Variants in NAALADL2 observed in about 807,000 individuals in gnomAD.
NAALADL2 encodes inactive N-acetylated-alpha-linked acidic dipeptidase-like protein 2.
NAALADL2 carries 76 observed loss-of-function variants against 87.2 expected under a neutral mutation model. The ratio of observed to expected loss-of-function variants is 0.87; its 90% CI spans 0.72 to 1.05. The LOEUF is 1.05. Among genes scored for constraint, NAALADL2 ranks in the 50% least tolerant of loss-of-function variants. The pLI, the probability that NAALADL2 is intolerant of heterozygous loss-of-function variation, is 0.00. For missense variants in NAALADL2, 1,089 were observed against 945.8 expected, an observed-to-expected ratio of 1.15 and a Z score of -1.99; for synonymous variants, 354 against 331.0, an observed-to-expected ratio of 1.07 and a Z score of -0.75.
At chr3:175,056,591 G>A (rs1712234559) in intron 1 of NAALADL2, among the ~76,000 whole-genome samples, 3 of 152,126 alleles carry the variant, frequency 2.0e-5, no homozygotes, top group Admixed American at 6.5e-5. Flanking sequence ...ATAGAGGTGT[G>A]GAGTGGGAAA....
chr3:174,882,758 T>TGCAC (rs1177848883), intron 1 of NAALADL2, among the ~76,000 whole-genome samples: 12 of 139,924 alleles, frequency 8.6e-5, no homozygotes, highest in Non-Finnish European at 1.9e-4. Context: ...CACACGTGTA[T>TGCAC]ATATACACAC....
chr3:174,602,567 A>AATATAATTTGAAAATTATATTTCT (rs1718565489), intron 2 of NAALADL2, among the ~76,000 whole-genome samples: 1 of 150,868 alleles, frequency 6.6e-6, no homozygotes, highest in Non-Finnish European at 1.5e-5. Flanking sequence ...ATTATATTTC[A>AATATAATTTGAAAATTATATTTCT]AATATAATTT....
chr3:175,052,648 A>G lies in NAALADL2; in HGVS notation c.44-44142A>G, dbSNP rs376205978. Among the ~76,000 whole-genome samples the G allele has an allele frequency of 6.9e-3, 1,046 of 152,204 alleles. 16 individuals carry two copies. Among genetic ancestry groups the G allele is most frequent in the African/African-American group, 0.022 (903 of 41,564 alleles). On this transcript the variant is annotated intron_variant, in intron 1 of 13. Transcript: ENST00000454872. ...AGTTCCTGGCATTAAGGTCAGGTGT[A>G]CCTGGGATGTTTTAAATATTTGTTC...
At chr3:175,591,445 AT>A (rs369552874) in intron 10 of NAALADL2, among the ~76,000 whole-genome samples, 16,995 of 150,148 alleles carry the variant, frequency 0.11, 1,227 homozygotes, top group Non-Finnish European at 0.17. Flanking sequence ...ACAGAAAATA[AT>A]TTTTTTTTTA....
intron 1 of NAALADL2, among the ~76,000 whole-genome samples, chr3:174,509,764 T>G (rs1166840305): frequency 6.6e-6 from 1 of 151,492 alleles, no homozygotes; most frequent in African/African-American, 2.4e-5. Context: ...TCCTATCAGA[T>G]CAGGGCTCCA....
In NAALADL2 at chr3:174,769,967, A is replaced by G. The variant is rs544440819; in HGVS notation, c.-9+32221A>G. 1.6e-4 allele frequency among the ~76,000 whole-genome samples: 22 copies of G among 139,998 alleles called. 1 individual carries two copies. Among genetic ancestry groups the G allele is most frequent in the African/African-American group, 4.8e-4 (19 of 39,610 alleles). 91.8% of individuals were successfully genotyped at this position (139,998 alleles called of 152,430 possible). ...ATAAGATAGTTATATATGCTTTTTC[A>G]CAAATAATACAATATATAATATTAG... On this transcript the variant is annotated intron_variant, in intron 3 of 3. Transcript: ENST00000434257.
intron 2 of NAALADL2, among the ~76,000 whole-genome samples, chr3:174,555,146 G>C (rs1712600444): frequency 6.6e-6 from 1 of 152,086 alleles, no homozygotes; most frequent in Non-Finnish European, 1.5e-5. Context: ...CCATAGCAGG[G>C]AGAAAAAATA....
intron 1 of NAALADL2, among the ~76,000 whole-genome samples, chr3:174,894,371 A>G (rs1731232459): frequency 6.6e-6 from 1 of 151,928 alleles, no homozygotes; most frequent in African/African-American, 2.4e-5. Context: ...CGGGTGGATC[A>G]CCTGAGGTCA....
rs1560446493 is a variant in NAALADL2 at position 174,987,820 on chromosome 3, AT to A, written c.44-108969del. 7.1e-5 allele frequency among the ~76,000 whole-genome samples: 10 copies of A among 140,238 alleles called. 2 individuals are homozygous for A. The highest frequency in any genetic ancestry group is 2.8e-4 in the African/African-American group (10 of 35,134). The allele number at this position is 140,238 out of a possible 152,430, so 92.0% of individuals were successfully genotyped here. A position where few individuals can be genotyped will look rare whatever the true frequency, so the allele number is the denominator to read the frequency against. On this transcript the variant is annotated intron_variant, in intron 1 of 13. Transcript: ENST00000454872. ...TATATATATATATATAATTATATAT[AT>A]ATATATAATGAGACCTTGTCTCTCC...
Position 175,013,139 on chromosome 3 carries a change from T to TATATATAC in NAALADL2, c.44-83649_44-83648insATATACAT. ...ATAAATATACATATTTATATATAAATATGTAATACATATTTATATATAAAT... is the reference window on the plus strand; with the variant it reads ...ATAAATATACATATTTATATATAAATATATATACATGTAATACATATTTATATATAAAT... On this transcript the variant is annotated intron_variant, in intron 1 of 13. Coordinates refer to ENST00000454872, the MANE Select transcript of NAALADL2 (RefSeq NM_207015.3). Among the ~76,000 whole-genome samples the TATATATAC allele has an allele frequency of 2.2e-5, 2 of 91,820 alleles. 1 individual carries two copies. Among genetic ancestry groups the TATATATAC allele is most frequent in the East Asian group, 5.4e-4 (2 of 3,738 alleles). 60.2% of individuals were successfully genotyped at this position (91,820 alleles called of 152,430 possible). A position where few individuals can be genotyped will look rare whatever the true frequency, so the allele number is the denominator to read the frequency against.
At chr3:175,385,672 G>T (rs144597598) in intron 5 of NAALADL2, among the ~76,000 whole-genome samples, 1 of 151,932 alleles carries the variant, frequency 6.6e-6, no homozygotes, top group African/African-American at 2.4e-5. Flanking sequence ...TTCAGGTGAC[G>T]GGTCTCCCAA....
chr3:174,871,017 G>T (rs566852105), intron 1 of NAALADL2, among the ~76,000 whole-genome samples: 2 of 152,140 alleles, frequency 1.3e-5, no homozygotes, highest in South Asian at 4.1e-4. Flanking sequence ...TTTATTGAAG[G>T]TGATAAAGCT....
chr3:174,936,415 T>A (rs988396066), intron 1 of NAALADL2, among the ~76,000 whole-genome samples: 3 of 152,208 alleles, frequency 2.0e-5, no homozygotes, highest in Admixed American at 2.0e-4. Flanking sequence ...TTATAAAATG[T>A]CCATGAATTG....
chr3:174,624,623 CA>C (rs35352173), intron 2 of NAALADL2, among the ~76,000 whole-genome samples: 87,441 of 139,890 alleles, frequency 0.63, 26,700 homozygotes, highest in East Asian at 0.86. Context: ...GACTCCATCT[CA>C]AAAAAAAAAA....
chr3:175,330,967 T>TTACAACTGA (rs149003747), intron 5 of NAALADL2, among the ~76,000 whole-genome samples: 9,188 of 151,968 alleles, frequency 0.06, 403 homozygotes, highest in East Asian at 0.2. Flanking sequence ...AAAAAAGACA[T>TTACAACTGA]TACAACTGAA....
chr3:174,639,784 T>C (rs1181711790), intron 2 of NAALADL2, among the ~76,000 whole-genome samples: 1 of 152,250 alleles, frequency 6.6e-6, no homozygotes, highest in Non-Finnish European at 1.5e-5. Flanking sequence ...TGTTTTATTG[T>C]TGCAAATGTA....
chr3:174,778,063 T>A (rs965631571), intron 3 of NAALADL2, among the ~76,000 whole-genome samples: 1 of 152,116 alleles, frequency 6.6e-6, no homozygotes, highest in Non-Finnish European at 1.5e-5. Flanking sequence ...TGAATACTTA[T>A]TATATGCCTA....
rs143991868 is a variant in NAALADL2, at chr3:175,391,532, G to A, written c.1091-55697G>A. ...AACACCCAGTGGGGGAAGTAAGGCCGTCAGTCTGATAGTTTGTGAGAAACT... is the reference window on the plus strand; with the variant it reads ...AACACCCAGTGGGGGAAGTAAGGCCATCAGTCTGATAGTTTGTGAGAAACT... On this transcript the variant is annotated intron_variant, in intron 5 of 13. Transcript: ENST00000454872. Among the ~76,000 whole-genome samples, 878 of 152,252 alleles carry A rather than the reference G, an allele frequency of 5.8e-3. 9 individuals are homozygous for A. Among genetic ancestry groups the A allele is most frequent in the African/African-American group, 0.018 (731 of 41,550 alleles).
At chr3:174,592,966 AGAGT>A (rs376068289) in intron 2 of NAALADL2, among the ~76,000 whole-genome samples, 6 of 152,220 alleles carry the variant, frequency 3.9e-5, no homozygotes, top group African/African-American at 1.4e-4. Context: ...AGGTAGAGAG[AGAGT>A]GAGAAAGAGA....
Sources: allele counts gnomAD v4.1 joint callset (sites outside exome capture counted in the v4.1 genomes callset), GRCh38; gene constraint gnomAD v4.1.1; transcripts MANE v1.5; gene names NCBI Gene and HGNC (gene_info 2026-07-23, HGNC 2026-07-21).